Variants in PPP1R14C observed in about 807,000 individuals in gnomAD.
PPP1R14C encodes the protein protein phosphatase 1 regulatory subunit 14C.
In PPP1R14C, 16 loss-of-function variants were observed where a neutral mutation model predicts 20.4. That is an observed-to-expected ratio of 0.78 (90% CI 0.53 to 1.19). The LOEUF (loss-of-function observed/expected upper bound fraction) is 1.19, where lower values mean the gene tolerates loss of function less well. Among genes scored for constraint, PPP1R14C ranks in the 50% most tolerant of loss-of-function variants. The pLI is 0.00. For missense variants in PPP1R14C, 211 were observed against 220.1 expected (o/e 0.96, Z 0.26); for synonymous variants, 91 against 91.0 (o/e 1.00, Z 0.00).
intron 3 of PPP1R14C, among the ~76,000 whole-genome samples, chr6:150,226,458 A>T (rs151132938): frequency 3.9e-5 from 6 of 152,284 alleles, no homozygotes; most frequent in Non-Finnish European, 8.8e-5. Context: ...CAGACTTAGG[A>T]GGAGCTGCTT....
chr6:150,198,689 C>T (rs1777839902), intron 1 of PPP1R14C, among the ~76,000 whole-genome samples: 1 of 152,208 alleles, frequency 6.6e-6, no homozygotes, highest in South Asian at 2.1e-4. Flanking sequence ...TGAGCAGTGG[C>T]CGAGGAATGG....
At chr6:150,213,458 G>A (rs1261381898) in intron 1 of PPP1R14C, among the ~76,000 whole-genome samples, 1 of 152,104 alleles carries the variant, frequency 6.6e-6, no homozygotes, top group African/African-American at 2.4e-5. Flanking sequence ...CTTCTGGGAA[G>A]CCAAGACAAA....
chr6:150,166,242 G>T (rs1410670230), intron 1 of PPP1R14C, among the ~76,000 whole-genome samples: 1 of 151,876 alleles, frequency 6.6e-6, no homozygotes, highest in African/African-American at 2.4e-5. Context: ...TACCACGCCC[G>T]GCTAATTTTT....
At chr6:150,150,457 T>C (rs981720327) in intron 1 of PPP1R14C, among the ~76,000 whole-genome samples, 2 of 152,168 alleles carry the variant, frequency 1.3e-5, no homozygotes, top group African/African-American at 2.4e-5. Flanking sequence ...ATGTTTGCTT[T>C]TGCTGTCTTC....
At chr6:150,191,006 C>T (rs1430580693) in intron 1 of PPP1R14C, among the ~76,000 whole-genome samples, 14 of 152,160 alleles carry the variant, frequency 9.2e-5, no homozygotes, top group Admixed American at 6.6e-4. Context: ...CCTACCCACA[C>T]GGTTACCTCT....
intron 3 of PPP1R14C, among the ~76,000 whole-genome samples, chr6:150,217,559 G>A (rs1274437033): frequency 6.6e-6 from 1 of 151,910 alleles, no homozygotes; most frequent in Admixed American, 6.6e-5. Flanking sequence ...ACCTTTATTG[G>A]GAAAAAATGT....
At chr6:150,171,051 T>G (rs1421757277) in intron 1 of PPP1R14C, among the ~76,000 whole-genome samples, 1 of 151,956 alleles carries the variant, frequency 6.6e-6, no homozygotes, top group Non-Finnish European at 1.5e-5. Context: ...GGCGTGACCC[T>G]CCATTGGAGC....
intron 1 of PPP1R14C, among the ~76,000 whole-genome samples, chr6:150,204,759 A>G (rs1777923222): frequency 6.6e-6 from 1 of 152,146 alleles, no homozygotes; most frequent in South Asian, 2.1e-4. Context: ...CTTCTCTCCA[A>G]ACTCCATGCT....
At chr6:150,192,710 C>T (rs1387198498) in intron 1 of PPP1R14C, among the ~76,000 whole-genome samples, 2 of 152,216 alleles carry the variant, frequency 1.3e-5, no homozygotes, top group Non-Finnish European at 2.9e-5. Flanking sequence ...TGATAGGACT[C>T]AGCTGGATGG....
chr6:150,211,918 C>T lies in PPP1R14C; in HGVS notation c.307-2826C>T, dbSNP rs151036326. On this transcript the variant is annotated intron_variant, in intron 1 of 3. Coordinates refer to ENST00000361131, the MANE Select transcript of PPP1R14C (RefSeq NM_030949.3). Reference sequence around the variant, plus strand: ...AGCGCAGATGCCTAATGGCTGTTAACGATGACTCAATCACTTGAGGTTTTT... The same window carrying T: ...AGCGCAGATGCCTAATGGCTGTTAATGATGACTCAATCACTTGAGGTTTTT... Among the ~76,000 whole-genome samples the T allele has an allele frequency of 1.1e-4, 16 of 152,306 alleles. 1 individual carries two copies. The highest frequency in any genetic ancestry group is 3.6e-4 in the African/African-American group (15 of 41,570).
intron 1 of PPP1R14C, among the ~76,000 whole-genome samples, chr6:150,148,008 T>C (rs984276400): frequency 2.6e-5 from 4 of 152,206 alleles, no homozygotes; most frequent in African/African-American, 4.8e-5. Context: ...AGGAAAAATA[T>C]TATAAAAGTA....
intron 3 of PPP1R14C, among the ~76,000 whole-genome samples, chr6:150,235,077 G>A (rs115999874): frequency 0.017 from 2,544 of 152,216 alleles, 78 homozygotes; most frequent in African/African-American, 0.058. Flanking sequence ...TGGTGGTGAT[G>A]GAAATGTTTT....
intron 1 of PPP1R14C, chr6:150,164,536 C>T: frequency 6.5e-6 from 1 of 153,844 alleles, no homozygotes; most frequent in Non-Finnish European, 1.5e-5. Flanking sequence ...TGTAATCCAT[C>T]TGAAATTCAT....
intron 1 of PPP1R14C, among the ~76,000 whole-genome samples, chr6:150,186,127 T>C (rs1475237236): frequency 6.6e-6 from 1 of 152,214 alleles, no homozygotes; most frequent in Non-Finnish European, 1.5e-5. Context: ...CCCACTGTTC[T>C]CAGGGCTTCT....
At chr6:150,229,961 T>C (rs1474498127) in intron 3 of PPP1R14C, among the ~76,000 whole-genome samples, 1 of 152,154 alleles carries the variant, frequency 6.6e-6, no homozygotes, top group East Asian at 1.9e-4. Flanking sequence ...TTCATGCCTG[T>C]AACTTCCAGG....
intron 1 of PPP1R14C, among the ~76,000 whole-genome samples, chr6:150,159,911 C>T (rs1777346116): frequency 6.6e-6 from 1 of 152,146 alleles, no homozygotes; most frequent in South Asian, 2.1e-4. Context: ...CCTTAGACTC[C>T]CTTGGCTAGG....
intron 1 of PPP1R14C, among the ~76,000 whole-genome samples, chr6:150,186,599 G>T (rs1342870578): frequency 6.6e-6 from 1 of 152,178 alleles, no homozygotes; most frequent in Non-Finnish European, 1.5e-5. Context: ...GGCTTCCGGG[G>T]CTCCAGAGTG....
intron 1 of PPP1R14C, among the ~76,000 whole-genome samples, chr6:150,202,625 C>G (rs1190734758): frequency 2.6e-5 from 4 of 152,232 alleles, no homozygotes; most frequent in Non-Finnish European, 4.4e-5. Context: ...GGAGGGTCCC[C>G]ATGGTGCCCT....
At chr6:150,164,292 C>T (rs1326181273) in intron 1 of PPP1R14C, among the ~76,000 whole-genome samples, 1 of 152,120 alleles carries the variant, frequency 6.6e-6, no homozygotes, top group Non-Finnish European at 1.5e-5. Context: ...AGATATGAGT[C>T]CTTTGTCAGA....
Sources: allele counts gnomAD v4.1 joint callset (sites outside exome capture counted in the v4.1 genomes callset), GRCh38; gene constraint gnomAD v4.1.1; transcripts MANE v1.5; gene names NCBI Gene and HGNC (gene_info 2026-07-23, HGNC 2026-07-21).